Variants in AHRR observed in about 807,000 individuals in gnomAD.
AHRR encodes the protein aryl hydrocarbon receptor repressor.
Under a neutral mutation model 44.0 loss-of-function variants are expected in AHRR, and 28 were observed. That is an observed-to-expected ratio of 0.64 (90% confidence interval 0.47 to 0.87). The LOEUF is 0.87. Ranked by LOEUF, AHRR falls within the 40% of genes least tolerant of loss-of-function variation. AHRR has a pLI of 0.00. For synonymous variants in AHRR, 434 were observed against 407.0 expected (o/e 1.07, Z -0.80); for missense variants, 990 against 953.9 (o/e 1.04, Z -0.50).
chr5:410,831 G>C (rs1735441991), intron 4 of AHRR, among the ~76,000 whole-genome samples: 1 of 152,076 alleles, frequency 6.6e-6, no homozygotes, highest in African/African-American at 2.4e-5. Flanking sequence ...TTAGTATAAG[G>C]TTATTTAGAT....
At chr5:415,680 G>A (rs1375641651) in intron 5 of AHRR, among the ~76,000 whole-genome samples, 3 of 151,526 alleles carry the variant, frequency 2.0e-5, no homozygotes, top group African/African-American at 4.8e-5. Flanking sequence ...TGCCTGGTCG[G>A]GCGGGAGGCC....
intron 2 of AHRR, among the ~76,000 whole-genome samples, chr5:352,004 G>A (rs2126390296): frequency 6.6e-6 from 1 of 152,380 alleles, no homozygotes; most frequent in African/African-American, 2.4e-5. Context: ...TCCCAGGAAG[G>A]GTTAGTGTGG....
intron 4 of AHRR, among the ~76,000 whole-genome samples, chr5:401,493 A>G (rs927469301): frequency 2.0e-5 from 3 of 152,174 alleles, no homozygotes; most frequent in Non-Finnish European, 4.4e-5. Flanking sequence ...CAGGGCCTAG[A>G]TCTTGCTGAG....
chr5:373,613 C>T (rs190349284), intron 3 of AHRR, among the ~76,000 whole-genome samples: 1 of 152,210 alleles, frequency 6.6e-6, no homozygotes. Context: ...GGTCTCTCTC[C>T]ACATCACAGA....
chr5:403,020 C>T (rs1281921408), intron 4 of AHRR, among the ~76,000 whole-genome samples: 3 of 152,162 alleles, frequency 2.0e-5, no homozygotes, highest in South Asian at 2.1e-4. Context: ...CAGTGGTTAC[C>T]AGGGGCCGGG....
In AHRR at chr5:353,965, T is replaced by C. The variant is rs561059286; in HGVS notation, c.244+54T>C. 45 of 1,542,056 alleles carry C rather than the reference T, an allele frequency of 2.9e-5. No homozygotes were observed. In the African/African-American group the frequency reaches 6.0e-4, roughly 20 times the overall value. Reference sequence around the variant, plus strand: ...CACTTGAGTCAGGCTGTGTCTCCCCTGAGTCCATCTGGGGCCTTGTGGCCA... The same window carrying C: ...CACTTGAGTCAGGCTGTGTCTCCCCCGAGTCCATCTGGGGCCTTGTGGCCA... On this transcript the variant is annotated intron_variant, in intron 3 of 10. Coordinates refer to ENST00000684583, the MANE Select transcript of AHRR (RefSeq NM_001377236.1).
At chr5:376,552 A>AG (rs1733691552) in intron 3 of AHRR, 58 bp from the exon 4 acceptor site, 17 of 1,411,602 alleles carry the variant, frequency 1.2e-5, no homozygotes, top group South Asian at 2.8e-5. Context: ...ATGTGAATGA[A>AG]GAAGAGTGGC....
At chr5:354,069 C>G (rs1414138271) in intron 3 of AHRR, among the ~76,000 whole-genome samples, 158 bp downstream of exon 3, 1 of 152,206 alleles carries the variant, frequency 6.6e-6, no homozygotes, top group Non-Finnish European at 1.5e-5. Context: ...GAGACTTGGC[C>G]CCTGGATGGG....
At chr5:397,170 C>T (rs1433725363) in intron 4 of AHRR, among the ~76,000 whole-genome samples, 1 of 122,066 alleles carries the variant, frequency 8.2e-6, no homozygotes, top group Non-Finnish European at 1.9e-5. Context: ...CCACGTAGCT[C>T]CTGACCATCC....
At chr5:412,255 T>C (rs974214985) in intron 4 of AHRR, among the ~76,000 whole-genome samples, 1 of 152,162 alleles carries the variant, frequency 6.6e-6, no homozygotes, top group African/African-American at 2.4e-5. Context: ...GATGCCATAG[T>C]TAATGTAAAA....
chr5:332,457 G>C (rs1158942485), intron 1 of AHRR, among the ~76,000 whole-genome samples: 1 of 151,670 alleles, frequency 6.6e-6, no homozygotes, highest in Admixed American at 6.6e-5. Context: ...TAGTAGAGAT[G>C]GTGTTTCACC....
chr5:376,232 G>A (rs1282730466), intron 3 of AHRR, among the ~76,000 whole-genome samples: 5 of 152,106 alleles, frequency 3.3e-5, no homozygotes, highest in African/African-American at 1.2e-4. Flanking sequence ...TGGCTTCAGG[G>A]GGATCTGGCA....
Position 428,003 on chromosome 5 carries a change from CAA to C in AHRR, c.907_908del (p.Lys303SerfsTer37). 1 of 1,613,700 alleles carries C rather than the reference CAA, an allele frequency of 6.2e-7. No homozygotes were observed. The highest frequency in any genetic ancestry group is 1.1e-5 in the South Asian group (1 of 90,994). On this transcript the variant is annotated frameshift_variant and splice_region_variant, in exon 8 of 11. Transcript: ENST00000684583. ...GCAGACACCGCAGCCACCGCGGATG[CAA>C]AGTGAGTAAGACTCGCCCTTCACAG...
intron 3 of AHRR, among the ~76,000 whole-genome samples, chr5:375,721 C>T (rs894795279): frequency 3.9e-5 from 6 of 152,218 alleles, no homozygotes; most frequent in African/African-American, 1.4e-4. Context: ...GCACTGGGGC[C>T]AGCTGCTTGC....
chr5:426,377 C>G (rs1304089662), intron 7 of AHRR, among the ~76,000 whole-genome samples: 2 of 128,714 alleles, frequency 1.6e-5, no homozygotes, highest in Admixed American at 7.8e-5. Context: ...GATGGATGGA[C>G]AGATGGAAAG....
At chr5:414,106 T>A (rs1454316804) in intron 5 of AHRR, among the ~76,000 whole-genome samples, 1 of 151,942 alleles carries the variant, frequency 6.6e-6, no homozygotes, top group African/African-American at 2.4e-5. Flanking sequence ...CTACTAAAAA[T>A]ACAAAAATTA....
intron 4 of AHRR, among the ~76,000 whole-genome samples, chr5:399,096 T>C (rs6871550): frequency 0.35 from 52,869 of 152,250 alleles, 13,203 homozygotes; most frequent in African/African-American, 0.71. Flanking sequence ...CTGAAGCAGC[T>C]GGGTCAGCGC....
At chr5:351,325 A>G (rs1031942156) in intron 2 of AHRR, among the ~76,000 whole-genome samples, 5 of 152,238 alleles carry the variant, frequency 3.3e-5, no homozygotes, top group African/African-American at 1.2e-4. Flanking sequence ...ACCGATACTC[A>G]CGGCAGCCAA....
intron 1 of AHRR, among the ~76,000 whole-genome samples, chr5:335,135 A>C (rs1742073849): frequency 6.6e-6 from 1 of 151,954 alleles, no homozygotes; most frequent in Admixed American, 6.5e-5. Flanking sequence ...ACACACTGGC[A>C]CCTGTGTTGG....
Sources: allele counts gnomAD v4.1 joint callset (sites outside exome capture counted in the v4.1 genomes callset), GRCh38; gene constraint gnomAD v4.1.1; transcripts MANE v1.5; gene names NCBI Gene and HGNC (gene_info 2026-07-23, HGNC 2026-07-21).